EPS8L2: variants seen among roughly 807,000 people sequenced by gnomAD.
EPS8L2 encodes epidermal growth factor receptor kinase substrate 8-like protein 2.
A neutral mutation model predicts 99.4 loss-of-function variants in EPS8L2; 81 were observed. The ratio of observed to expected loss-of-function variants is 0.82; its 90% confidence interval spans 0.68 to 0.98. The LOEUF is 0.98. EPS8L2 is among the 50% of genes least tolerant of loss of function. The pLI, the probability that EPS8L2 is intolerant of heterozygous loss-of-function variation, is 0.00. For synonymous variants in EPS8L2, 509 were observed against 407.3 expected, an observed-to-expected ratio of 1.25 and a Z score of -3.01; for missense variants, 1,155 against 968.8, an observed-to-expected ratio of 1.19 and a Z score of -2.55.
At position 722,569 on chromosome 11, in the gene EPS8L2, T is replaced by TGCCGGGGCTTCATGGGGG. The variant is rs1862209541; in HGVS notation, c.1208+24_1208+41dup. 1.2e-6 allele frequency: 2 copies of TGCCGGGGCTTCATGGGGG among 1,612,006 alleles called. No individual in the cohort carries two copies. The highest frequency in any genetic ancestry group is 4.5e-5 in the East Asian group (2 of 44,848). ...GCCCCGGTAGGGCAGGGCAGAGCAG[T>TGCCGGGGCTTCATGGGGG]GCCGGGGCTTCATGGGGGGCCAGCG... is the stretch of plus-strand genomic sequence containing the variant. On this transcript the variant is annotated intron_variant, in intron 13 of 20. Coordinates refer to ENST00000318562, the MANE Select transcript of EPS8L2 (RefSeq NM_022772.4).
intron 1 of EPS8L2, among the ~76,000 whole-genome samples, chr11:707,907 G>A (rs1194332646): frequency 6.6e-6 from 1 of 152,154 alleles, no homozygotes; most frequent in Non-Finnish European, 1.5e-5. Flanking sequence ...ATCCCATTAA[G>A]CAAACACTCA....
intron 4 of EPS8L2, among the ~76,000 whole-genome samples, chr11:711,257 TGTGC>T (rs759260556): frequency 0.015 from 2,175 of 141,588 alleles, 19 homozygotes; most frequent in Middle Eastern, 0.031. Context: ...TGTGTGCGTG[TGTGC>T]GTGCGTGCGT....
In EPS8L2 at chr11:719,980, C is replaced by T. The variant is rs938427849; in HGVS notation, c.166-82C>T. ...CCCAGGGTTGGCTGTGGCCCCTCAGCCCCTCAGGCTGTGGCCCCTGGGGGC... is the reference window on the plus strand; with the variant it reads ...CCCAGGGTTGGCTGTGGCCCCTCAGTCCCTCAGGCTGTGGCCCCTGGGGGC... On this transcript the variant is annotated intron_variant, in intron 4 of 20. Transcript: ENST00000318562. 37 of 1,433,616 alleles carry T rather than the reference C, an allele frequency of 2.6e-5. No individual in the cohort carries two copies. In the African/African-American group the frequency reaches 4.0e-4, roughly 15 times the overall value. The allele number at this position is 1,433,616 out of a possible 1,614,324, so 88.8% of individuals were successfully genotyped here.
chr11:709,582 C>T lies in EPS8L2; in HGVS notation c.74C>T (p.Ala25Val), dbSNP rs1403100737. The T allele has an allele frequency of 1.9e-6, 3 of 1,612,616 alleles. No homozygotes were observed. Among genetic ancestry groups the T allele is most frequent in the Non-Finnish European group, 2.5e-6 (3 of 1,179,770 alleles). Residue 25 changes from alanine to valine, a missense_variant, in exon 3 of 21, where the codon GCC becomes GTC. Ala to Val is a moderately conservative substitution (Grantham distance 64). Transcript: ENST00000318562. ...NGSLGRSDGVAKMSPKDLFEQ... is the reference protein window; with the variant it reads ...NGSLGRSDGVVKMSPKDLFEQ... ...AGCCTGGGCCGGTCCGACGGTGTGG[C>T]CAAGATGAGCCCCAAGGACCTGTTT...
intron 7 of EPS8L2, 39 bp downstream of exon 7, chr11:720,948 A>AGGGGAGGAGCCGGCAGGGGG: frequency 1.2e-6 from 1 of 815,764 alleles, no homozygotes; most frequent in Non-Finnish European, 1.7e-6. Context: ...GGGGGCGGGG[A>AGGGGAGGAGCCGGCAGGGGG]GGGGAGGAGC....
chr11:720,952 GAGGA>G, intron 7 of EPS8L2, 43 bp downstream of exon 7: 2 of 1,473,254 alleles, frequency 1.4e-6, no homozygotes, highest in Non-Finnish European at 1.8e-6. Flanking sequence ...GCGGGGAGGG[GAGGA>G]GCCCGGCAGG....
chr11:726,880 G>A, intron 20 of EPS8L2, 21 bp from the exon 21 acceptor site: 2 of 1,609,008 alleles, frequency 1.2e-6, no homozygotes, highest in East Asian at 2.2e-5. Context: ...GGCTGAGGAT[G>A]CCCCCATTTC....
chr11:711,600 C>G (rs1564970381), intron 4 of EPS8L2, among the ~76,000 whole-genome samples: 1 of 152,066 alleles, frequency 6.6e-6, no homozygotes, highest in Non-Finnish European at 1.5e-5. Context: ...CTCCCCCCTC[C>G]TAGCCAGGCC....
At chr11:713,906 G>A (rs997321509) in intron 4 of EPS8L2, among the ~76,000 whole-genome samples, 5 of 151,876 alleles carry the variant, frequency 3.3e-5, no homozygotes, top group Non-Finnish European at 7.4e-5. Flanking sequence ...GGTCCCCAAC[G>A]CCTGACCTCA....
chr11:710,633 G>A (rs1369278782), intron 4 of EPS8L2, 147 bp downstream of exon 4: 1 of 799,252 alleles, frequency 1.3e-6, no homozygotes, highest in Non-Finnish European at 2.1e-6. Flanking sequence ...GGAGGCTGAG[G>A]CGAGGGGGTC....
chr11:726,429 G>A lies in EPS8L2; in HGVS notation c.1879G>A (p.Glu627Lys), dbSNP rs1191503355. 1 of 1,599,890 alleles carries A rather than the reference G, an allele frequency of 6.3e-7. No individual in the cohort carries two copies. Among genetic ancestry groups the A allele is most frequent in the South Asian group, 1.1e-5 (1 of 89,034 alleles). The change falls in exon 19 of 21, where the codon GAG becomes AAG. Residue 627 changes from glutamate (E) to lysine (K), a missense_variant. Physicochemically the swap from Glu to Lys is moderately conservative, Grantham distance 56 (BLOSUM62 1). Transcript: ENST00000318562. The part of the protein sequence containing the change: ...SQPVSQPLTY[E>K]SGPDEVRAWL... ...GCCCGTGAGCCAGCCGCTCACCTACGAGTCGGGTCCGGACGAGGTCCGCGC... is the reference window on the plus strand; with the variant it reads ...GCCCGTGAGCCAGCCGCTCACCTACAAGTCGGGTCCGGACGAGGTCCGCGC...
At chr11:723,419 CAT>C (rs1491424498) in intron 15 of EPS8L2, 66 bp downstream of exon 15, 21 of 686,788 alleles carry the variant, frequency 3.1e-5, no homozygotes, top group Non-Finnish European at 4.8e-5. Flanking sequence ...TCTCTAAAAA[CAT>C]ATGGGTACGC....
In EPS8L2 at chr11:724,886, G is replaced by A. The variant is rs1006824799; in HGVS notation, c.1560+57G>A. On this transcript the variant is annotated intron_variant, in intron 16 of 20. Transcript: ENST00000318562. The surrounding 1 kb of genome is among the most constrained non-coding windows in gnomAD (Gnocchi z 5.5). ...GGAAACAGGGCAGGGCTTCAAGGGA[G>A]GGGCTACCAGGGGAGGTGGGGAGCG... is the stretch of plus-strand genomic sequence containing the variant. 1.5e-6 allele frequency: 2 copies of A among 1,315,732 alleles called. No individual in the cohort carries two copies. The highest frequency in any genetic ancestry group is 1.8e-4 in the Middle Eastern group (1 of 5,460). The allele number at this position is 1,315,732 out of a possible 1,614,324, so 81.5% of individuals were successfully genotyped here. A position where few individuals can be genotyped will look rare whatever the true frequency, so the allele number is the denominator to read the frequency against.
rs755733680 is a variant in EPS8L2, at chr11:723,223, C to T, written c.1342-18C>T. ...GCCCCGCCCCATGTCTAACTCAGGT[C>T]GCCCACCTTCCCCACAGGTGAGTCC... is the stretch of plus-strand genomic sequence containing the variant. On this transcript the variant is annotated intron_variant, in intron 14 of 20. Transcript: ENST00000318562. 31 of 1,504,322 alleles carry T rather than the reference C, an allele frequency of 2.1e-5. No homozygotes were observed. In the Middle Eastern group the frequency reaches 5.2e-4, roughly 25 times the overall value. 93.2% of individuals were successfully genotyped at this position (1,504,322 alleles called of 1,614,324 possible).
chr11:721,938 G>T lies in EPS8L2; in HGVS notation c.931G>T (p.Glu311Ter). 6.3e-7 allele frequency: 1 copy of T among 1,599,610 alleles called. No individual in the cohort carries two copies. ...CACACTGCGGGCACGGCCCCCCTCT[G>T]AGGGCGAGTTCATCGACTGCTTCCA... The part of the protein sequence containing the change: ...VLTLRARPPS[E>*]GEFIDCFQKI... The change falls in exon 11 of 21, where the codon GAG becomes TAG. Residue 311 changes from glutamate to a stop codon, truncating the protein, a stop_gained. Transcript: ENST00000318562. LOFTEE classifies it high-confidence loss of function.
chr11:713,804 C>G (rs1396037734), intron 4 of EPS8L2, among the ~76,000 whole-genome samples: 1 of 152,102 alleles, frequency 6.6e-6, no homozygotes, highest in Non-Finnish European at 1.5e-5. Flanking sequence ...CCTCAGCCTC[C>G]CAAAGTGGTG....
rs1259449235 is a variant in EPS8L2, at chr11:726,890, C to T, written c.2068-11C>T. 3.6e-5 allele frequency: 58 copies of T among 1,611,182 alleles called. No homozygotes were observed. In the Admixed American group the frequency reaches 9.0e-4, roughly 25 times the overall value. ...CCCCCGGCTGAGGATGCCCCCATTT[C>T]TCCTCCCTAGAAGCAGCAAAGTGGG... On this transcript the variant is annotated splice_polypyrimidine_tract_variant and intron_variant, in intron 20 of 20. Transcript: ENST00000318562.
chr11:720,046 A>G lies in EPS8L2; in HGVS notation c.166-16A>G, dbSNP rs780629217. On this transcript the variant is annotated splice_polypyrimidine_tract_variant and intron_variant, in intron 4 of 20. Coordinates refer to ENST00000318562, the MANE Select transcript of EPS8L2 (RefSeq NM_022772.4). ...AGGAGGGCTCTGCCCAGCAGTGACC[A>G]CCTGCCCACCCCCAGCACCTGGCCA... The G allele has an allele frequency of 1.3e-5, 21 of 1,606,612 alleles. No homozygotes were observed. The highest frequency in any genetic ancestry group is 1.8e-5 in the Non-Finnish European group (21 of 1,176,754).
chr11:717,831 A>T (rs1024551274), intron 4 of EPS8L2, among the ~76,000 whole-genome samples: 1 of 150,044 alleles, frequency 6.7e-6, no homozygotes. Context: ...AATATGGTGA[A>T]ACCCCATCTC....
Sources: gnomAD v4.1 joint callset for allele counts (sites outside exome capture counted in the v4.1 genomes callset) on GRCh38, gnomAD v4.1.1 for gene constraint, Gnocchi (gnomAD v3.1) non-coding constraint, MANE v1.5 for transcripts, NCBI Gene and HGNC (gene_info 2026-07-23, HGNC 2026-07-21) for gene names.